The following PHF12 variants were observed in gnomAD, a reference collection of about 807,000 sequenced individuals.
PHF12 encodes the protein PHD factor 1.
PHF12 carries 6 observed loss-of-function variants against 99.8 expected under a neutral mutation model. That is an observed-to-expected ratio of 0.06 (90% confidence interval 0.03 to 0.12). The LOEUF (loss-of-function observed/expected upper bound fraction) is 0.12, where lower values mean the gene tolerates loss of function less well. PHF12 is among the 10% of genes least tolerant of loss of function. The pLI is 1.00. For missense variants in PHF12, 954 were observed against 1,300.1 expected (o/e 0.73, Z 4.09); for synonymous variants, 480 against 514.9 (o/e 0.93, Z 0.92).
At chr17:28,947,053 G>A (rs1407245610) in intron 2 of PHF12, among the ~76,000 whole-genome samples, 1 of 151,184 alleles carries the variant, frequency 6.6e-6, no homozygotes, top group Admixed American at 6.6e-5. Context: ...GTGTGATCTC[G>A]GCTCACTACA....
At position 28,906,201 on chromosome 17, in the gene PHF12, G is replaced by A. The variant is rs767538342; in HGVS notation, c.2997C>T (p.Arg999=). 1.3e-6 allele frequency: 2 copies of A among 1,599,134 alleles called. No homozygotes were observed. The highest frequency in any genetic ancestry group is 1.7e-6 in the Non-Finnish European group (2 of 1,169,716). ...SLKPHQGPVL[R]SNSVP is the part of the protein sequence containing the mutation. ...GCCAGTCCTAAGGAACAGAGTTGGA[G>A]CGCAGCACAGGGCCCTGGTGGGGCT... is the stretch of plus-strand genomic sequence containing the variant. Residue 999 remains arginine, a synonymous_variant, in exon 15 of 15, where the codon CGC becomes CGT. Transcript: ENST00000332830. The surrounding 1 kb of genome is among the most constrained non-coding windows in gnomAD (Gnocchi z 4.2).
At chr17:28,910,123 G>GT (rs757230991) in intron 11 of PHF12, 103 bp downstream of exon 11, 1 of 1,531,672 alleles carries the variant, frequency 6.5e-7, no homozygotes, top group Admixed American at 1.7e-5. Context: ...ACACAAGGAG[G>GT]TTTGAGATAC....
Position 28,913,089 on chromosome 17 carries a change from C to T in PHF12, c.1482G>A (p.Leu494=). 1 of 1,614,096 alleles carries T rather than the reference C, an allele frequency of 6.2e-7. No homozygotes were observed. The highest frequency in any genetic ancestry group is 8.5e-7 in the Non-Finnish European group (1 of 1,180,008). The change falls in exon 9 of 15, where the codon TTG becomes TTA. Residue 494 remains leucine, a synonymous_variant. Coordinates refer to ENST00000332830, the MANE Select transcript of PHF12 (RefSeq NM_001033561.2). ...DKTPTPSHYP[L]SCPSGISTQN... Reference sequence around the variant, plus strand: ...GGGTGCTAATCCCTGAGGGGCAGGACAAGGGGTAGTGGGAAGGTGTAGGTG... The same window carrying T: ...GGGTGCTAATCCCTGAGGGGCAGGATAAGGGGTAGTGGGAAGGTGTAGGTG...
At position 28,928,968 on chromosome 17, in the gene PHF12, C is replaced by T. The variant is rs146844473; in HGVS notation, c.249-1905G>A. ...AAAATTAGCCGGGTGTAGTGGCACG[C>T]GCCTGTAGTCCCAGCTACTCAGGAG... On this transcript the variant is annotated intron_variant, in intron 2 of 14. Transcript: ENST00000332830. Among the ~76,000 whole-genome samples the T allele has an allele frequency of 7.1e-3, 1,076 of 151,630 alleles. 12 individuals carry two copies. The highest frequency in any genetic ancestry group is 0.025 in the African/African-American group (1,024 of 41,340).
chr17:28,939,276 C>T (rs2040569927), intron 2 of PHF12, among the ~76,000 whole-genome samples: 1 of 152,136 alleles, frequency 6.6e-6, no homozygotes, highest in South Asian at 2.1e-4. Flanking sequence ...ATTAAAAAGC[C>T]AAAATTACTG....
chr17:28,917,332 G>T lies in PHF12; in HGVS notation c.1087C>A (p.Pro363Thr). The change falls in exon 7 of 15, where the codon CCC becomes ACC. Residue 363 changes from proline (P) to threonine (T), a missense_variant. Around this residue, in one of 8 missense-constraint regions of PHF12, gnomAD observed 392 missense variants for 423.1 expected, o/e 0.93. Coordinates refer to ENST00000332830, the MANE Select transcript of PHF12 (RefSeq NM_001033561.2). ...GACTGGAGCACACGCCGGTTAGGGG[G>T]GTGCTTCTTGTGGATTCGGTTCAGG... ...DFLNRIHKKH[P>T]PNRRVLQSVK... 4 of 1,614,050 alleles carry T rather than the reference G, an allele frequency of 2.5e-6. No individual in the cohort carries two copies. The highest frequency in any genetic ancestry group is 3.4e-6 in the Non-Finnish European group (4 of 1,180,004).
chr17:28,908,795 A>G lies in PHF12; in HGVS notation c.2446T>C (p.Tyr816His). The part of the protein sequence containing the change: ...GAVNMCYRTL[Y>H]IGTGADMDVC... ...CTGGCTGGCTCACCTGTCCCGATGT[A>G]GAGGGTTCGATAGCACATGTTCACA... The change falls in exon 12 of 15, where the codon TAC (tyrosine) becomes CAC (histidine). Residue 816 changes from tyrosine to histidine, a missense_variant. Transcript: ENST00000332830. 1.1e-5 allele frequency: 17 copies of G among 1,614,054 alleles called. No homozygotes were observed. The highest frequency in any genetic ancestry group is 1.4e-5 in the Non-Finnish European group (17 of 1,179,986).
At position 28,951,333 on chromosome 17, in the gene PHF12, G is replaced by C. The variant is rs537620189; in HGVS notation, c.-373C>G. 3.2e-5 allele frequency: 34 copies of C among 1,051,452 alleles called. No homozygotes were observed. The South Asian group carries it at 8.9e-4, about 28-fold the overall frequency. 65.1% of individuals were successfully genotyped at this position (1,051,452 alleles called of 1,614,324 possible). A position where few individuals can be genotyped will look rare whatever the true frequency, so the allele number is the denominator to read the frequency against. ...TCCCGGGGCTGGGGGTATCGGAGGG[G>C]GGGTGAGAGGTTACGTGAGGTTGTG... is the stretch of plus-strand genomic sequence containing the variant. On this transcript the variant is annotated 5_prime_UTR_variant, in exon 1 of 15. Transcript: ENST00000332830.
chr17:28,942,743 G>A (rs752848571), intron 2 of PHF12, among the ~76,000 whole-genome samples: 14 of 152,176 alleles, frequency 9.2e-5, no homozygotes, highest in South Asian at 2.1e-4. Context: ...TTGAACCTGG[G>A]AGGTGAAGGT....
At chr17:28,937,601 C>T (rs775920446) in intron 2 of PHF12, among the ~76,000 whole-genome samples, 28 of 152,150 alleles carry the variant, frequency 1.8e-4, no homozygotes, top group Non-Finnish European at 3.7e-4. Flanking sequence ...CAAGTTTTAT[C>T]GCCTTCTATG....
chr17:28,906,530 G>T lies in PHF12; in HGVS notation c.2681-13C>A. Reference sequence around the variant, plus strand: ...TGCCGGCGGCGCCCTGGGAAAAAGGGGGATGGTCACAGAAGAGGAACAGTG... The same window carrying T: ...TGCCGGCGGCGCCCTGGGAAAAAGGTGGATGGTCACAGAAGAGGAACAGTG... On this transcript the variant is annotated splice_polypyrimidine_tract_variant and intron_variant, in intron 14 of 14. Transcript: ENST00000332830. This position sits in a 1 kb window ranked among gnomAD's most constrained non-coding sequence, Gnocchi z 4.2. The T allele has an allele frequency of 6.3e-7, 1 of 1,587,884 alleles. No individual in the cohort carries two copies. Among genetic ancestry groups the T allele is most frequent in the African/African-American group, 1.3e-5 (1 of 74,608 alleles).
chr17:28,906,140 T>G lies in PHF12; in HGVS notation c.*43A>C. 1 of 1,533,728 alleles carries G rather than the reference T, an allele frequency of 6.5e-7. No homozygotes were observed. The highest frequency in any genetic ancestry group is 1.4e-5 in the African/African-American group (1 of 72,942). On this transcript the variant is annotated 3_prime_UTR_variant, in exon 15 of 15. Transcript: ENST00000332830. The surrounding 1 kb of genome is among the most constrained non-coding windows in gnomAD (Gnocchi z 4.2). Reference sequence around the variant, plus strand: ...TGTGTACATTTTTGCATTGCAGGAGTCTTGGGTGGGTGTACAGGCCAGTGG... The same window carrying G: ...TGTGTACATTTTTGCATTGCAGGAGGCTTGGGTGGGTGTACAGGCCAGTGG...
At position 28,931,875 on chromosome 17, in the gene PHF12, C is replaced by G. The variant is rs2040415831; in HGVS notation, c.249-4812G>C. ...GGGATTACAGGTGTGAGCCACTGTGCCTGGCCAAGATTTGCTGCTTTCTTA... is the reference window on the plus strand; with the variant it reads ...GGGATTACAGGTGTGAGCCACTGTGGCTGGCCAAGATTTGCTGCTTTCTTA... On this transcript the variant is annotated intron_variant, in intron 2 of 14. Transcript: ENST00000332830. Among the ~76,000 whole-genome samples the G allele has an allele frequency of 5.3e-5, 8 of 152,206 alleles. No homozygotes were observed. The South Asian group carries it at 1.7e-3, about 32-fold the overall frequency.
chr17:28,928,072 C>T (rs1306777906), intron 2 of PHF12: 3 of 152,210 alleles, frequency 2.0e-5, no homozygotes, highest in Non-Finnish European at 2.9e-5. Context: ...GATCACACCA[C>T]TGCACTCTAG....
intron 13 of PHF12, 179 bp downstream of exon 13, chr17:28,907,411 T>G (rs2039889714): frequency 1.6e-6 from 1 of 621,848 alleles, no homozygotes; most frequent in African/African-American, 1.8e-5. Context: ...GCAGGTAGCT[T>G]CCCAGGTAGG....
rs1295279936 is a variant in PHF12, at chr17:28,921,824, A to G, written c.716-16T>C. The G allele has an allele frequency of 1.2e-6, 2 of 1,613,974 alleles. No homozygotes were observed. The highest frequency in any genetic ancestry group is 2.2e-5 in the South Asian group (2 of 91,058). ...TTGCTAGAACCTAGAAAAGAAAATG[A>G]TGGTGCTGAGCTATCCCTGGCTTCA... On this transcript the variant is annotated splice_polypyrimidine_tract_variant and intron_variant, in intron 4 of 14. Coordinates refer to ENST00000332830, the MANE Select transcript of PHF12 (RefSeq NM_001033561.2).
rs192337594 is a variant in PHF12 at position 28,933,958 on chromosome 17, G to C, written c.249-6895C>G. ...GCTACTTGGGAGGCTGAGGCAGGAG[G>C]ATCACTTGAGTCCAGGAGGGCAAAA... On this transcript the variant is annotated intron_variant, in intron 2 of 14. Coordinates refer to ENST00000332830, the MANE Select transcript of PHF12 (RefSeq NM_001033561.2). Among the ~76,000 whole-genome samples, 8 of 152,090 alleles carry C rather than the reference G, an allele frequency of 5.3e-5. No homozygotes were observed. In the East Asian group the frequency reaches 1.5e-3, roughly 29 times the overall value.
At chr17:28,917,219 T>G (rs1478727911) in intron 7 of PHF12, 66 bp downstream of exon 7, 1 of 1,604,406 alleles carries the variant, frequency 6.2e-7, no homozygotes, top group Non-Finnish European at 8.5e-7. Context: ...ATTGGGACAG[T>G]GATCCTCTGT....
At chr17:28,921,947 G>A (rs2040174686) in intron 4 of PHF12, 139 bp from the exon 5 acceptor site, 2 of 1,180,612 alleles carry the variant, frequency 1.7e-6, no homozygotes, top group Non-Finnish European at 2.3e-6. Context: ...TGAGGCCCCT[G>A]GGGTTGATTT....
Sources: gnomAD v4.1 joint callset for allele counts (sites outside exome capture counted in the v4.1 genomes callset) on GRCh38, gnomAD v4.1.1 for gene constraint, gnomAD v4.1.1 regional missense constraint, Gnocchi (gnomAD v3.1) non-coding constraint, MANE v1.5 for transcripts, NCBI Gene and HGNC (gene_info 2026-07-23, HGNC 2026-07-21) for gene names.